OTOG: variants seen among roughly 807,000 people sequenced by gnomAD.
The protein encoded by OTOG is otogelin.
A neutral mutation model predicts 313.8 loss-of-function variants in OTOG; 296 were observed. That is an observed-to-expected ratio of 0.94 (90% CI 0.86 to 1.04). The LOEUF (loss-of-function observed/expected upper bound fraction) is 1.04, where lower values mean the gene tolerates loss of function less well. Among genes scored for constraint, OTOG ranks in the 50% least tolerant of loss-of-function variants. The probability of loss-of-function intolerance (pLI) is 0.00; values close to 1 mark genes in which losing one functional copy is unlikely to be tolerated. For missense variants in OTOG, 3,948 were observed against 3,840.1 expected (o/e 1.03, Z -0.74); for synonymous variants, 1,533 against 1,554.9 (o/e 0.99, Z 0.33).
At chr11:17,569,059 C>A in intron 15 of OTOG, 97 bp from the exon 16 acceptor site, 1 of 1,391,548 alleles carries the variant, frequency 7.2e-7, no homozygotes, top group Non-Finnish European at 9.8e-7. Flanking sequence ...GAAACTGTCT[C>A]TCAAGCTGGG....
At chr11:17,634,640 A>T (rs766515610) in intron 44 of OTOG, among the ~76,000 whole-genome samples, 54 of 152,070 alleles carry the variant, frequency 3.6e-4, no homozygotes, top group Non-Finnish European at 3.4e-4. Context: ...GTGTCAATGG[A>T]TGTTAGCTCT....
intron 6 of OTOG, 68 bp from the exon 7 acceptor site, chr11:17,555,711 A>C: frequency 7.8e-7 from 1 of 1,285,890 alleles, no homozygotes; most frequent in Non-Finnish European, 1.1e-6. Flanking sequence ...AAAACTCAAT[A>C]AGGTGTGAAG....
In OTOG at chr11:17,557,145, C is replaced by G; in HGVS notation, c.687C>G (p.Ser229Arg). The change falls in exon 8 of 56, where the codon AGC (serine) becomes AGG (arginine). Residue 229 changes from serine to arginine, a missense_variant. Ser to Arg is a moderately radical substitution (Grantham distance 110). Coordinates refer to ENST00000399397, the MANE Select transcript of OTOG (RefSeq NM_001292063.2). ...TCCAACTGCCACATGTCATGGGGAGCGCGCGTCTGCAGCAGCTTGCCGGCT... is the reference window on the plus strand; with the variant it reads ...TCCAACTGCCACATGTCATGGGGAGGGCGCGTCTGCAGCAGCTTGCCGGCT... The part of the protein sequence containing the change: ...MRVQLPHVMG[S>R]ARLQQLAGYV... 6.5e-7 allele frequency: 1 copy of G among 1,550,324 alleles called. No homozygotes were observed. Among genetic ancestry groups the G allele is most frequent in the Non-Finnish European group, 8.7e-7 (1 of 1,146,982 alleles).
chr11:17,613,672 C>T lies in OTOG; in HGVS notation c.6499C>T (p.Gln2167Ter). 1 of 1,550,800 alleles carries T rather than the reference C, an allele frequency of 6.4e-7. No individual in the cohort carries two copies. Among genetic ancestry groups the T allele is most frequent in the Non-Finnish European group, 8.7e-7 (1 of 1,147,030 alleles). ...VMLNMTHLAH[Q>*]VTIDRFNRKV... ...GTTGAACATGACTCACTTGGCCCATCAGGTCACTATTGATCGCTTCAACCG... is the reference window on the plus strand; with the variant it reads ...GTTGAACATGACTCACTTGGCCCATTAGGTCACTATTGATCGCTTCAACCG... Residue 2167 changes from glutamine (Q) to a stop codon, truncating the protein, a stop_gained, in exon 39 of 56, where the codon CAG becomes TAG. Coordinates refer to ENST00000399397, the MANE Select transcript of OTOG (RefSeq NM_001292063.2). LOFTEE classifies it high-confidence loss of function.
At chr11:17,581,438 C>G (rs1165082420) in intron 23 of OTOG, among the ~76,000 whole-genome samples, 2 of 152,156 alleles carry the variant, frequency 1.3e-5, no homozygotes, top group Admixed American at 6.5e-5. Flanking sequence ...TGGAGACATT[C>G]GCCTCCCAGC....
At chr11:17,567,744 G>GTACAAGTTGTTCCT (rs1565096039) in intron 15 of OTOG, among the ~76,000 whole-genome samples, 1 of 152,126 alleles carries the variant, frequency 6.6e-6, no homozygotes, top group Non-Finnish European at 1.5e-5. Flanking sequence ...CAGAGCTTTT[G>GTACAAGTTGTTCCT]TACAAGTTGT....
intron 49 of OTOG, among the ~76,000 whole-genome samples, chr11:17,640,079 A>G (rs1847938928): frequency 6.6e-6 from 1 of 152,106 alleles, no homozygotes; most frequent in Admixed American, 6.5e-5. Context: ...GATAATGGCA[A>G]TGATGATGAT....
Position 17,591,505 on chromosome 11 carries a change from AC to A in OTOG, c.2924del (p.Thr975MetfsTer37). On this transcript the variant is annotated frameshift_variant, in exon 25 of 56. Coordinates refer to ENST00000399397, the MANE Select transcript of OTOG (RefSeq NM_001292063.2). LOFTEE classifies it high-confidence loss of function. Reference protein sequence around the residue: ...CTLHPCASTCTAYGDRHYRTF... With the variant: ...CTLHPCASTCXAYGDRHYRTF... The stretch of plus-strand genomic sequence containing the variant: ...CCTGCACCCTTGCGCCTCCACCTGC[AC>A]TGCCTATGGGGACCGGCATTACCGC... The A allele has an allele frequency of 6.4e-7, 1 of 1,550,702 alleles. No individual in the cohort carries two copies. Among genetic ancestry groups the A allele is most frequent in the South Asian group, 1.2e-5 (1 of 84,070 alleles).
At chr11:17,563,144 T>C (rs746632516) in intron 15 of OTOG, among the ~76,000 whole-genome samples, 1 of 152,154 alleles carries the variant, frequency 6.6e-6, no homozygotes. Context: ...AAATGGCCAA[T>C]GTGCAAGTCT....
In OTOG at chr11:17,550,806, G is replaced by A. The variant is rs140888720; in HGVS notation, c.217-1194G>A. On this transcript the variant is annotated intron_variant, in intron 3 of 55. Transcript: ENST00000399397. ...GGGCTGGGTCGACTGGGTAAGGATTGCTCGGGAGAACCCAGGAACCAGGGG... is the reference window on the plus strand; with the variant it reads ...GGGCTGGGTCGACTGGGTAAGGATTACTCGGGAGAACCCAGGAACCAGGGG... Among the ~76,000 whole-genome samples, 118 of 152,330 alleles carry A rather than the reference G, an allele frequency of 7.7e-4. 1 individual carries two copies. In the East Asian group the frequency reaches 0.021, roughly 27 times the overall value.
chr11:17,612,068 A>G lies in OTOG; in HGVS notation c.6124-94A>G. ...CTAGAAGGTCCCCTGCCCCGCTAGG[A>G]CCTACATGTGGGAAGGATCTGGTGC... On this transcript the variant is annotated intron_variant, in intron 36 of 55. Transcript: ENST00000399397. 2.1e-6 allele frequency: 3 copies of G among 1,437,762 alleles called. No individual in the cohort carries two copies. In the East Asian group the frequency reaches 7.4e-5, roughly 36 times the overall value. 89.1% of individuals were successfully genotyped at this position (1,437,762 alleles called of 1,614,324 possible).
At position 17,558,165 on chromosome 11, in the gene OTOG, A is replaced by G; in HGVS notation, c.866-20A>G. The G allele has an allele frequency of 6.5e-7, 1 of 1,550,204 alleles. No homozygotes were observed. The highest frequency in any genetic ancestry group is 8.7e-7 in the Non-Finnish European group (1 of 1,146,874). The stretch of plus-strand genomic sequence containing the variant: ...CCAACCCCATCGCTGCCCCATCATG[A>G]TGTCAGCTCCCTCCTCCAGGGAAGC... On this transcript the variant is annotated intron_variant, in intron 8 of 55. Coordinates refer to ENST00000399397, the MANE Select transcript of OTOG (RefSeq NM_001292063.2).
chr11:17,637,555 TG>T (rs980523142), intron 47 of OTOG, among the ~76,000 whole-genome samples: 2 of 152,186 alleles, frequency 1.3e-5, no homozygotes, highest in African/African-American at 4.8e-5. Flanking sequence ...TAAGGATTGA[TG>T]GGTTCAAGTT....
chr11:17,548,124 A>G (rs1350200658), intron 2 of OTOG, 28 bp from the exon 3 acceptor site: 2 of 1,542,286 alleles, frequency 1.3e-6, no homozygotes, highest in Admixed American at 4.0e-5. Flanking sequence ...CTAGCCCCCC[A>G]TCCATGCCAG....
chr11:17,569,389 T>G (rs1852359391), intron 16 of OTOG, 101 bp downstream of exon 16: 2 of 1,470,808 alleles, frequency 1.4e-6, no homozygotes, highest in Non-Finnish European at 1.8e-6. Context: ...TGGCAAAAAC[T>G]CATATTCTAG....
At chr11:17,562,046 A>AATATATAT (rs375919593) in intron 15 of OTOG, among the ~76,000 whole-genome samples, 2 of 139,840 alleles carry the variant, frequency 1.4e-5, no homozygotes, top group African/African-American at 5.3e-5. Flanking sequence ...CTAAAAAAAA[A>AATATATAT]ATATATATAT....
At chr11:17,587,866 C>A (rs921004859) in intron 24 of OTOG, among the ~76,000 whole-genome samples, 12 of 152,286 alleles carry the variant, frequency 7.9e-5, no homozygotes, top group African/African-American at 2.6e-4. Context: ...CTGGGGATGG[C>A]TGGCCTGGAT....
At chr11:17,570,444 C>G (rs1158066969) in intron 17 of OTOG, 54 bp downstream of exon 17, 17 of 1,520,334 alleles carry the variant, frequency 1.1e-5, no homozygotes, top group Non-Finnish European at 1.5e-5. Flanking sequence ...CCCCTTAGGG[C>G]TGGGTATCTA....
At chr11:17,624,068 G>A (rs1853925603) in intron 39 of OTOG, among the ~76,000 whole-genome samples, 1 of 152,188 alleles carries the variant, frequency 6.6e-6, no homozygotes, top group African/African-American at 2.4e-5. Context: ...TTTGTCAGAT[G>A]TATAGTTTGC....
Sources: gnomAD v4.1 joint callset for allele counts (sites outside exome capture counted in the v4.1 genomes callset) on GRCh38, gnomAD v4.1.1 for gene constraint, MANE v1.5 for transcripts, NCBI Gene and HGNC (gene_info 2026-07-23, HGNC 2026-07-21) for gene names.